Variants in INVS observed in about 807,000 individuals in gnomAD.
INVS encodes the protein inversion of embryo turning homolog.
A neutral mutation model predicts 108.8 loss-of-function variants in INVS; 86 were observed. The ratio of observed to expected loss-of-function variants is 0.79; its 90% CI spans 0.66 to 0.95. The LOEUF (loss-of-function observed/expected upper bound fraction) is 0.95, where lower values mean the gene tolerates loss of function less well. Ranked by LOEUF, INVS falls within the 40% of genes least tolerant of loss-of-function variation. The pLI, the probability that INVS is intolerant of heterozygous loss-of-function variation, is 0.00. For missense variants in INVS, 1,169 were observed against 1,297.4 expected (o/e 0.90, Z 1.52); for synonymous variants, 455 against 473.5 (o/e 0.96, Z 0.51).
chr9:100,207,976 C>G (rs16918986), intron 3 of INVS, among the ~76,000 whole-genome samples: 18,699 of 132,250 alleles, frequency 0.14, 3,618 homozygotes, highest in African/African-American at 0.43. Flanking sequence ...AGTTAGATTA[C>G]AGTTAAAACA....
At chr9:100,161,377 A>ACAAAAAAAAAAC (rs1554718609) in intron 3 of INVS, among the ~76,000 whole-genome samples, 2 of 100,844 alleles carry the variant, frequency 2.0e-5, no homozygotes, top group Non-Finnish European at 3.7e-5. Context: ...AAAAAAAAAA[A>ACAAAAAAAAAAC]AAAAAAAAAA....
intron 3 of INVS, among the ~76,000 whole-genome samples, chr9:100,162,206 G>A (rs1288249616): frequency 6.6e-6 from 1 of 152,068 alleles, no homozygotes; most frequent in Non-Finnish European, 1.5e-5. Context: ...TGCTTGGGTG[G>A]CTCTATAGTC....
intron 3 of INVS, among the ~76,000 whole-genome samples, chr9:100,144,533 T>A (rs926483148): frequency 2.0e-5 from 3 of 152,154 alleles, no homozygotes; most frequent in Non-Finnish European, 4.4e-5. Flanking sequence ...AAAGGCTAAC[T>A]GATTTGGGAG....
At chr9:100,125,900 G>A (rs996682342) in intron 2 of INVS, among the ~76,000 whole-genome samples, 14 of 151,960 alleles carry the variant, frequency 9.2e-5, no homozygotes, top group South Asian at 2.1e-4. Context: ...TGGTCAGGCC[G>A]GTCTTGAACT....
At chr9:100,206,240 G>A (rs148309113) in intron 3 of INVS, among the ~76,000 whole-genome samples, 45 of 152,210 alleles carry the variant, frequency 3.0e-4, no homozygotes, top group Admixed American at 2.1e-3. Flanking sequence ...ATGTAAAAAT[G>A]TAAACTGCGA....
chr9:100,151,338 G>A (rs998764870), intron 3 of INVS, among the ~76,000 whole-genome samples: 27 of 152,146 alleles, frequency 1.8e-4, no homozygotes, highest in African/African-American at 6.3e-4. Context: ...AATTCGCCAG[G>A]CATGGTGGTG....
intron 3 of INVS, among the ~76,000 whole-genome samples, chr9:100,223,637 G>C (rs1459652494): frequency 1.3e-5 from 2 of 152,188 alleles, no homozygotes; most frequent in Non-Finnish European, 2.9e-5. Context: ...AAAGTACTAT[G>C]AGAGAAATGA....
chr9:100,198,351 G>A (rs946853567), intron 3 of INVS, among the ~76,000 whole-genome samples: 2 of 126,504 alleles, frequency 1.6e-5, no homozygotes, highest in African/African-American at 6.1e-5. Flanking sequence ...AGGCTGGAGT[G>A]CAACGGTGCG....
chr9:100,292,271 G>A lies in INVS; in HGVS notation c.2069-55G>A, dbSNP rs184448407. 8.2e-6 allele frequency: 12 copies of A among 1,458,274 alleles called. No individual in the cohort carries two copies. The Admixed American group carries it at 1.5e-4, about 18-fold the overall frequency. 90.3% of individuals were successfully genotyped at this position (1,458,274 alleles called of 1,614,324 possible). A position where few individuals can be genotyped will look rare whatever the true frequency, so the allele number is the denominator to read the frequency against. ...TGAATATTTTATGTGAACATATTAG[G>A]AAAATTATCCTACTCTGCAAGTTTT... is the stretch of plus-strand genomic sequence containing the variant. On this transcript the variant is annotated intron_variant, in intron 13 of 16. Coordinates refer to ENST00000262457, the MANE Select transcript of INVS (RefSeq NM_014425.5).
chr9:100,194,667 C>T (rs956697511), intron 3 of INVS, among the ~76,000 whole-genome samples: 1 of 152,064 alleles, frequency 6.6e-6, no homozygotes, highest in Non-Finnish European at 1.5e-5. Flanking sequence ...AGGAAGAAAG[C>T]ATGTAGTATT....
chr9:100,242,446 G>A (rs1831907930), intron 6 of INVS, 124 bp from the exon 7 acceptor site: 3 of 659,314 alleles, frequency 4.6e-6, no homozygotes, highest in Admixed American at 2.2e-5. Context: ...GGGGGCTGCT[G>A]TTCAGAAACC....
At chr9:100,143,840 G>C (rs1828512016) in intron 3 of INVS, among the ~76,000 whole-genome samples, 1 of 152,130 alleles carries the variant, frequency 6.6e-6, no homozygotes, top group East Asian at 1.9e-4. Context: ...TGTGGAGTGG[G>C]TAGCTTCCAT....
At chr9:100,107,912 T>C (rs952948681) in intron 2 of INVS, among the ~76,000 whole-genome samples, 2 of 152,178 alleles carry the variant, frequency 1.3e-5, no homozygotes, top group African/African-American at 4.8e-5. Flanking sequence ...TGAATAAATA[T>C]TTTAATCATT....
rs1485696291 is a variant in INVS, at chr9:100,264,216, G to A, written c.1465-606G>A. ...TTGACTCAATTTGTGTTAGTCTTAT[G>A]TTCCCTCATAATTAGATTCAGGTTT... On this transcript the variant is annotated intron_variant, in intron 10 of 16. Transcript: ENST00000262457. Among the ~76,000 whole-genome samples the A allele has an allele frequency of 2.0e-5, 3 of 152,110 alleles. No individual in the cohort carries two copies. The South Asian group carries it at 6.2e-4, about 31-fold the overall frequency.
chr9:100,284,236 C>T, intron 12 of INVS, 84 bp from the exon 13 acceptor site: 1 of 1,507,632 alleles, frequency 6.6e-7, no homozygotes, highest in South Asian at 1.2e-5. Context: ...GTAGTAGCTC[C>T]TCTTAAAATT....
In INVS at chr9:100,297,891, C is replaced by G. The variant is rs763513791; in HGVS notation, c.3017-45C>G. On this transcript the variant is annotated intron_variant, in intron 15 of 16. Transcript: ENST00000262457. ...GAATTCAGAAGTTGGTCAGGCCAAA[C>G]GTATCCCTGGCCAAAGAAAAGTAAC... 3.7e-6 allele frequency: 6 copies of G among 1,602,320 alleles called. No homozygotes were observed. The Admixed American group carries it at 1.0e-4, about 27-fold the overall frequency.
chr9:100,175,690 G>C, intron 3 of INVS: 1 of 634,052 alleles, frequency 1.6e-6, no homozygotes, highest in Admixed American at 2.0e-5. Flanking sequence ...TGCCTCCAAG[G>C]ATGCTTGGCG....
At chr9:100,262,857 C>G (rs951209786) in intron 10 of INVS, among the ~76,000 whole-genome samples, 2 of 152,032 alleles carry the variant, frequency 1.3e-5, no homozygotes, top group Non-Finnish European at 2.9e-5. Context: ...GGTGATCATC[C>G]CACCTCAGCC....
chr9:100,196,694 ATAT>A, intron 3 of INVS, among the ~76,000 whole-genome samples: 1 of 147,950 alleles, frequency 6.8e-6, no homozygotes, highest in East Asian at 1.9e-4. Flanking sequence ...TTATTATAAA[ATAT>A]TATATATAAT....
Sources: gnomAD v4.1 joint callset for allele counts (sites outside exome capture counted in the v4.1 genomes callset) on GRCh38, gnomAD v4.1.1 for gene constraint, MANE v1.5 for transcripts, NCBI Gene and HGNC (gene_info 2026-07-23, HGNC 2026-07-21) for gene names.